MAP3K19: variants seen among roughly 807,000 people sequenced by gnomAD.
MAP3K19 encodes mitogen-activated protein kinase kinase kinase 19, also known as SPS1/STE20-related protein kinase YSK4.
Under a neutral mutation model 114.4 loss-of-function variants are expected in MAP3K19, and 91 were observed. The ratio of observed to expected loss-of-function variants is 0.80; its 90% CI spans 0.67 to 0.95. The LOEUF (loss-of-function observed/expected upper bound fraction) is 0.95, where lower values mean the gene tolerates loss of function less well. MAP3K19 is among the 40% of genes least tolerant of loss of function. The probability of loss-of-function intolerance (pLI) is 0.00; values close to 1 mark genes in which losing one functional copy is unlikely to be tolerated. For missense variants in MAP3K19, 1,471 were observed against 1,573.2 expected, an observed-to-expected ratio of 0.94 and a Z score of 1.10; for synonymous variants, 518 against 530.5, an observed-to-expected ratio of 0.98 and a Z score of 0.32.
intron 5 of MAP3K19, among the ~76,000 whole-genome samples, chr2:135,020,530 A>C (rs574140972): frequency 6.6e-6 from 1 of 152,132 alleles, no homozygotes; most frequent in Non-Finnish European, 1.5e-5. Context: ...TTTGTTACCC[A>C]TGCCAGTCCA....
intron 5 of MAP3K19, among the ~76,000 whole-genome samples, chr2:135,010,508 C>T (rs1344780731): frequency 6.6e-6 from 1 of 152,178 alleles, no homozygotes; most frequent in Non-Finnish European, 1.5e-5. Flanking sequence ...CCATTGACAA[C>T]ACCACGGGAG....
chr2:135,044,210 T>A (rs538326610), intron 1 of MAP3K19, among the ~76,000 whole-genome samples: 68 of 152,310 alleles, frequency 4.5e-4, no homozygotes, highest in African/African-American at 1.5e-3. Flanking sequence ...TGTATTATTA[T>A]CCCTATTCTA....
rs138969027 is a variant in MAP3K19 at position 135,006,671 on chromosome 2, G to A, written c.139-1140C>T. Reference sequence around the variant, plus strand: ...CTGAAAATACAAAAATTAGCTGGACGTGATGGCACACCCCTGTTGTCCCAG... The same window carrying A: ...CTGAAAATACAAAAATTAGCTGGACATGATGGCACACCCCTGTTGTCCCAG... On this transcript the variant is annotated intron_variant, in intron 5 of 12. Coordinates refer to ENST00000392915, the MANE Select transcript of MAP3K19 (RefSeq NM_025052.5). 5.9e-3 allele frequency among the ~76,000 whole-genome samples: 895 copies of A among 151,814 alleles called. 1 individual carries two copies. Among genetic ancestry groups the A allele is most frequent in the Middle Eastern group, 0.017 (5 of 294 alleles).
chr2:135,005,027 T>C (rs762803133), intron 6 of MAP3K19, among the ~76,000 whole-genome samples: 2 of 152,198 alleles, frequency 1.3e-5, no homozygotes, highest in Non-Finnish European at 2.9e-5. Context: ...CATTTGCCTA[T>C]TCTGGCCAGT....
At chr2:135,046,503 T>G (rs1036129840) in intron 1 of MAP3K19, among the ~76,000 whole-genome samples, 3 of 152,316 alleles carry the variant, frequency 2.0e-5, no homozygotes, top group Non-Finnish European at 4.4e-5. Context: ...CTCGAACTCC[T>G]GACCTCAGGT....
In MAP3K19 at chr2:134,997,817, C is replaced by CAAAAAAAAAAAAAA. The variant is rs1187957592; in HGVS notation, c.574+920_574+921insTTTTTTTTTTTTTT. On this transcript the variant is annotated intron_variant, in intron 8 of 12. Transcript: ENST00000392915. ...CTGGTGACAGAGCGAGACTCCGTCTCAAAAAAAAAAAAACTTTAAGCACTG... is the reference window on the plus strand; with the variant it reads ...CTGGTGACAGAGCGAGACTCCGTCTCAAAAAAAAAAAAAAAAAAAAAAAAAAACTTTAAGCACTG... Among the ~76,000 whole-genome samples the CAAAAAAAAAAAAAA allele has an allele frequency of 2.7e-4, 25 of 90,970 alleles. 2 individuals carry two copies. The highest frequency in any genetic ancestry group is 4.6e-4 in the South Asian group (1 of 2,158). The allele number at this position is 90,970 out of a possible 152,430, so 59.7% of individuals were successfully genotyped here. A position where few individuals can be genotyped will look rare whatever the true frequency, so the allele number is the denominator to read the frequency against.
intron 5 of MAP3K19, among the ~76,000 whole-genome samples, chr2:135,011,262 G>A (rs1164452114): frequency 6.6e-6 from 1 of 152,112 alleles, no homozygotes. Context: ...GTTTTGCCAG[G>A]CGCGGTGGCT....
Position 134,986,131 on chromosome 2 carries a change from C to T in MAP3K19, c.2741G>A (p.Ser914Asn), listed in dbSNP as rs868037317. ...ATATTGATATGTCTGGGAAGATGCACTTTCTTGTTTTGCTTGGAAAGAGAA... is the reference window on the plus strand; with the variant it reads ...ATATTGATATGTCTGGGAAGATGCATTTTCTTGTTTTGCTTGGAAAGAGAA... ...TNFSFQAKQESASSQTYQYWV... is the reference protein window; with the variant it reads ...TNFSFQAKQENASSQTYQYWV... The change falls in exon 10 of 13, where the codon AGT (serine) becomes AAT (asparagine). Residue 914 changes from serine to asparagine, a missense_variant. Transcript: ENST00000392915. 1 of 1,613,972 alleles carries T rather than the reference C, an allele frequency of 6.2e-7. No homozygotes were observed. The highest frequency in any genetic ancestry group is 1.3e-5 in the African/African-American group (1 of 75,040).
At chr2:135,008,694 T>G (rs1222078891) in intron 5 of MAP3K19, among the ~76,000 whole-genome samples, 1 of 152,200 alleles carries the variant, frequency 6.6e-6, no homozygotes, top group Non-Finnish European at 1.5e-5. Context: ...TGCTATATCA[T>G]ATCTTCTCCC....
intron 2 of MAP3K19, among the ~76,000 whole-genome samples, chr2:135,033,692 G>A (rs1285823423): frequency 1.2e-5 from 1 of 85,310 alleles, no homozygotes; most frequent in Non-Finnish European, 2.1e-5. Flanking sequence ...CGGCCGGCCG[G>A]GGGGGCTAAC....
Position 134,986,853 on chromosome 2 carries a change from A to T in MAP3K19, c.2019T>A (p.His673Gln), listed in dbSNP as rs776326821. The T allele has an allele frequency of 1.2e-5, 19 of 1,614,084 alleles. No individual in the cohort carries two copies. The highest frequency in any genetic ancestry group is 1.4e-5 in the Non-Finnish European group (17 of 1,180,048). ...YEMFGTPVYC[H>Q]VRETERDENT... ...TTTCATCCCTTTCAGTCTCTCGCAC[A>T]TGACAATAAACAGGGGTCCCAAACA... The change falls in exon 10 of 13, where the codon CAT (histidine) becomes CAA (glutamine). Residue 673 changes from histidine to glutamine, a missense_variant. Physicochemically the swap from His to Gln is conservative, Grantham distance 24 (BLOSUM62 0). Coordinates refer to ENST00000392915, the MANE Select transcript of MAP3K19 (RefSeq NM_025052.5).
chr2:134,982,673 C>T (rs1411777791), intron 11 of MAP3K19, among the ~76,000 whole-genome samples: 1 of 152,080 alleles, frequency 6.6e-6, no homozygotes, highest in Non-Finnish European at 1.5e-5. Flanking sequence ...TCTATGATGA[C>T]TACATGAGAT....
At chr2:135,025,607 C>T (rs1482230232) in intron 3 of MAP3K19, among the ~76,000 whole-genome samples, 2 of 151,872 alleles carry the variant, frequency 1.3e-5, no homozygotes, top group Admixed American at 6.6e-5. Context: ...AGGATGGTCT[C>T]GAACTCCTGA....
Position 134,999,020 on chromosome 2 carries a change from G to C in MAP3K19, c.315-23C>G. 2 of 1,598,148 alleles carry C rather than the reference G, an allele frequency of 1.3e-6. No homozygotes were observed. The highest frequency in any genetic ancestry group is 1.7e-6 in the Non-Finnish European group (2 of 1,173,646). ...AGACTAAAGGGGGAGGGAAATGTTT[G>C]ATTTAAAACTCAGTTGCCACATCTT... On this transcript the variant is annotated intron_variant, in intron 7 of 12. Transcript: ENST00000392915. The surrounding 1 kb of genome is among the most constrained non-coding windows in gnomAD (Gnocchi z 4.1).
intron 1 of MAP3K19, among the ~76,000 whole-genome samples, chr2:135,043,025 G>A (rs1688676018): frequency 6.6e-6 from 1 of 152,150 alleles, no homozygotes; most frequent in South Asian, 2.1e-4. Context: ...ACAGGTTGCA[G>A]TGAGCCGAGA....
At position 134,981,897 on chromosome 2, in the gene MAP3K19, T is replaced by G. The variant is rs199617754; in HGVS notation, c.3223-379A>C. On this transcript the variant is annotated intron_variant, in intron 11 of 12. Coordinates refer to ENST00000392915, the MANE Select transcript of MAP3K19 (RefSeq NM_025052.5). Reference sequence around the variant, plus strand: ...TTTCTTTTCTTTTTTTTTTTTTTTTTTTTGTTTGTTTTTAGACAGGGTCTC... The same window carrying G: ...TTTCTTTTCTTTTTTTTTTTTTTTTGTTTGTTTGTTTTTAGACAGGGTCTC... Among the ~76,000 whole-genome samples the G allele has an allele frequency of 2.0e-3, 281 of 143,030 alleles. 1 individual carries two copies. Among genetic ancestry groups the G allele is most frequent in the Non-Finnish European group, 2.8e-3 (183 of 66,516 alleles). 93.8% of individuals were successfully genotyped at this position (143,030 alleles called of 152,430 possible). A position where few individuals can be genotyped will look rare whatever the true frequency, so the allele number is the denominator to read the frequency against.
At chr2:135,006,458 A>G (rs566068719) in intron 5 of MAP3K19, among the ~76,000 whole-genome samples, 1 of 152,320 alleles carries the variant, frequency 6.6e-6, no homozygotes, top group Non-Finnish European at 1.5e-5. Context: ...ATTAATTCCC[A>G]AGAGAGCTAG....
chr2:134,998,684 C>T, intron 8 of MAP3K19, 54 bp downstream of exon 8: 1 of 1,525,004 alleles, frequency 6.6e-7, no homozygotes, highest in African/African-American at 1.4e-5. Context: ...TGGCACAATA[C>T]ATAAATATTT....
chr2:135,029,660 G>C (rs1688336252), intron 3 of MAP3K19, among the ~76,000 whole-genome samples: 2 of 152,146 alleles, frequency 1.3e-5, no homozygotes, highest in South Asian at 4.1e-4. Context: ...AGCAGCAATT[G>C]ATTTTCTTTC....
Sources: allele counts gnomAD v4.1 joint callset (sites outside exome capture counted in the v4.1 genomes callset), GRCh38; gene constraint gnomAD v4.1.1; non-coding constraint Gnocchi (gnomAD v3.1); transcripts MANE v1.5; gene names NCBI Gene and HGNC (gene_info 2026-07-23, HGNC 2026-07-21).